The following MADD variants were observed in gnomAD, a reference collection of about 807,000 sequenced individuals.
MADD encodes MAP kinase activating death domain, also known as MAP kinase-activating death domain protein.
In MADD, 109 loss-of-function variants were observed where a neutral mutation model predicts 176.7. The ratio of observed to expected loss-of-function variants is 0.62; its 90% CI spans 0.53 to 0.72. MADD has a LOEUF of 0.72. Among genes scored for constraint, MADD ranks in the 30% least tolerant of loss-of-function variants. The pLI, the probability that MADD is intolerant of heterozygous loss-of-function variation, is 0.00. For synonymous variants in MADD, 771 were observed against 771.3 expected (o/e 1.00, Z 0.01); for missense variants, 1,914 against 2,045.5 (o/e 0.94, Z 1.24).
At chr11:47,280,979 C>T (rs565284860) in intron 7 of MADD, among the ~76,000 whole-genome samples, 6 of 152,358 alleles carry the variant, frequency 3.9e-5, no homozygotes, top group Admixed American at 3.9e-4. Context: ...TAGCATCACT[C>T]GGGCTTGTTA....
In MADD at chr11:47,277,591, C is replaced by T. The variant is rs151148097; in HGVS notation, c.1096-574C>T. Among the ~76,000 whole-genome samples, 850 of 152,350 alleles carry T rather than the reference C, an allele frequency of 5.6e-3. 3 individuals carry two copies. The highest frequency in any genetic ancestry group is 7.6e-3 in the Non-Finnish European group (514 of 68,038). ...GGATTACAGGCATGAGCCACCGTGC[C>T]CAGCCTCTTTCTACATATATTTGGC... On this transcript the variant is annotated intron_variant, in intron 5 of 32. Coordinates refer to ENST00000402192, the Ensembl canonical transcript of MADD.
At chr11:47,297,741 C>T (rs1458260447) in intron 22 of MADD, among the ~76,000 whole-genome samples, 11 of 150,264 alleles carry the variant, frequency 7.3e-5, no homozygotes, top group South Asian at 2.1e-4. Flanking sequence ...CCACTGCTCC[C>T]GGCCAAGGGT....
chr11:47,280,569 T>A (rs326218), intron 7 of MADD, among the ~76,000 whole-genome samples: 138,111 of 149,832 alleles, frequency 0.92, 63,699 homozygotes, highest in Admixed American at 0.95. Context: ...TTAATTAATT[T>A]ATTTATTTAT....
intron 30 of MADD, 75 bp from the exon 34 acceptor site, chr11:47,326,469 G>C: frequency 8.1e-7 from 1 of 1,233,052 alleles, no homozygotes; most frequent in South Asian, 2.2e-5. Flanking sequence ...CAGGCCAGCA[G>C]CAGGGCCTTC....
intron 22 of MADD, among the ~76,000 whole-genome samples, chr11:47,304,883 A>T (rs1353761481): frequency 1.3e-5 from 2 of 151,978 alleles, no homozygotes; most frequent in Admixed American, 6.6e-5. Flanking sequence ...AACTCTCTGG[A>T]GTGGCTTTCA....
chr11:47,276,896 C>G (rs747433888), intron 5 of MADD, 33 bp downstream of exon 5: 8 of 1,611,118 alleles, frequency 5.0e-6, no homozygotes, highest in Middle Eastern at 3.3e-4. Flanking sequence ...GCTTTCTCAC[C>G]TCTGTCTTCC....
At chr11:47,292,302 G>A (rs2065995996) in intron 19 of MADD, among the ~76,000 whole-genome samples, 3 of 152,138 alleles carry the variant, frequency 2.0e-5, no homozygotes, top group Non-Finnish European at 4.4e-5. Context: ...ACATTCTGCA[G>A]GGTTTTTACT....
chr11:47,328,185 C>T (rs1033222781), intron 31 of MADD: 14 of 1,049,566 alleles, frequency 1.3e-5, no homozygotes, highest in South Asian at 3.4e-5. Flanking sequence ...CTGGGAATAA[C>T]GGGAACTGTG....
intron 15 of MADD, 115 bp downstream of exon 15, chr11:47,286,649 A>G: frequency 4.1e-6 from 3 of 724,952 alleles, no homozygotes; most frequent in Non-Finnish European, 7.0e-6. Context: ...GTCGTCCCTC[A>G]TGTTGCTCCT....
chr11:47,294,907 CA>C (rs2069484316), intron 20 of MADD, among the ~76,000 whole-genome samples: 1 of 152,018 alleles, frequency 6.6e-6, no homozygotes, highest in South Asian at 2.1e-4. Flanking sequence ...ATACTAAAAA[CA>C]GTGGTTAACG....
intron 20 of MADD, among the ~76,000 whole-genome samples, chr11:47,294,296 C>T (rs570061753): frequency 3.6e-4 from 54 of 150,368 alleles, no homozygotes; most frequent in African/African-American, 1.3e-3. Context: ...TGTGGTGAGC[C>T]GAGATTGTGC....
At chr11:47,327,280 G>C in intron 31 of MADD, 1 of 992,372 alleles carries the variant, frequency 1.0e-6, no homozygotes, top group East Asian at 1.1e-4. Flanking sequence ...AGACTCACTT[G>C]AGGGACAGAG....
chr11:47,313,454 A>G (rs2091128112), intron 26 of MADD, among the ~76,000 whole-genome samples: 1 of 150,248 alleles, frequency 6.7e-6, no homozygotes, highest in African/African-American at 2.4e-5. Context: ...AGCTGGGAGT[A>G]CAGGCGTATG....
intron 27 of MADD, among the ~76,000 whole-genome samples, chr11:47,318,225 T>C (rs1447242588): frequency 6.6e-6 from 1 of 152,260 alleles, no homozygotes; most frequent in Non-Finnish European, 1.5e-5. Flanking sequence ...TAAGTAATTT[T>C]AAGGACCAAA....
chr11:47,325,509 C>T lies in MADD; in HGVS notation c.4542+932C>T, dbSNP rs1595587731. ...ACTGACGTGGCTGTCTCCCTCCCTC[C>T]GCTAGCCGTTGTAGCTCTCTTTCAG... On this transcript the variant is annotated intron_variant, in intron 30 of 32. Coordinates refer to ENST00000402192, the Ensembl canonical transcript of MADD. The surrounding 1 kb of genome is among the most constrained non-coding windows in gnomAD (Gnocchi z 4.5). Among the ~76,000 whole-genome samples, 1 of 152,192 alleles carries T rather than the reference C, an allele frequency of 6.6e-6. No homozygotes were observed.
exon 15 of MADD, chr11:47,286,528 C>T: frequency 6.2e-7 from 1 of 1,612,546 alleles, no homozygotes; most frequent in African/African-American, 1.3e-5. Context: ...CTTCCCCAGT[C>T]TGAAAGGTAA....
rs898720492 is a variant in MADD at position 47,326,557 on chromosome 11, A to G, written c.4543-181A>G. 4 of 1,414,510 alleles carry G rather than the reference A, an allele frequency of 2.8e-6. No individual in the cohort carries two copies. The African/African-American group carries it at 4.3e-5, about 15-fold the overall frequency. 87.6% of individuals were successfully genotyped at this position (1,414,510 alleles called of 1,614,324 possible). A position where few individuals can be genotyped will look rare whatever the true frequency, so the allele number is the denominator to read the frequency against. ...TCCTCCGGCCAGGAGCGGAAGGTAC[A>G]TGCCCTTTCTGCTATCTTCGCTTCT... On this transcript the variant is annotated intron_variant, in intron 30 of 32. Transcript: ENST00000402192.
At chr11:47,278,487 G>C (rs558436462) in intron 6 of MADD, among the ~76,000 whole-genome samples, 1 of 152,056 alleles carries the variant, frequency 6.6e-6, no homozygotes, top group Admixed American at 6.5e-5. Flanking sequence ...AGAATTACAG[G>C]ATTTATTTTT....
intron 31 of MADD, chr11:47,327,911 A>G (rs2095631945): frequency 3.0e-6 from 3 of 985,174 alleles, no homozygotes; most frequent in South Asian, 4.7e-5. Context: ...GAACCCCTGC[A>G]TGGCTGGAGC....
Sources: gnomAD v4.1 joint callset for allele counts (sites outside exome capture counted in the v4.1 genomes callset) on GRCh38, gnomAD v4.1.1 for gene constraint, Gnocchi (gnomAD v3.1) non-coding constraint, MANE v1.5 for transcripts, NCBI Gene and HGNC (gene_info 2026-07-23, HGNC 2026-07-21) for gene names.